ANK1: variants seen among roughly 807,000 people sequenced by gnomAD.
The protein encoded by ANK1 is ankyrin-1.
A neutral mutation model predicts 210.4 loss-of-function variants in ANK1; 51 were observed. The observed-to-expected ratio is 0.24, with a 90% CI of 0.19 to 0.31. The LOEUF is 0.31. Among genes scored for constraint, ANK1 ranks in the 10% least tolerant of loss-of-function variants. The pLI is 1.00. For synonymous variants in ANK1, 967 were observed against 1,025.9 expected (o/e 0.94, Z 1.10); for missense variants, 2,051 against 2,504.4 (o/e 0.82, Z 3.86).
intron 1 of ANK1, among the ~76,000 whole-genome samples, chr8:41,821,271 C>G: frequency 6.6e-6 from 1 of 152,126 alleles, no homozygotes; most frequent in Middle Eastern, 3.4e-3. Flanking sequence ...AATATGATAT[C>G]AAAAAATAAA....
intron 39 of ANK1, chr8:41,664,991 C>A (rs769932716): frequency 1.8e-5 from 29 of 1,614,112 alleles, no homozygotes; most frequent in Non-Finnish European, 2.3e-5. Flanking sequence ...GCAGCACCAG[C>A]GTGACCAACA....
intron 21 of ANK1, 94 bp from the exon 22 acceptor site, chr8:41,701,716 C>T (rs879067142): frequency 6.9e-6 from 9 of 1,302,554 alleles, no homozygotes; most frequent in Non-Finnish European, 9.9e-6. Context: ...TGTGGGGTTT[C>T]CCACAAATGA....
intron 1 of ANK1, among the ~76,000 whole-genome samples, chr8:41,785,572 C>T (rs540291635): frequency 1.4e-4 from 22 of 152,150 alleles, no homozygotes; most frequent in Admixed American, 2.0e-4. Flanking sequence ...AAATGCGCTC[C>T]TGCCTGCATG....
chr8:41,700,187 T>C (rs576275880), intron 22 of ANK1, among the ~76,000 whole-genome samples: 1 of 152,266 alleles, frequency 6.6e-6, no homozygotes, highest in African/African-American at 2.4e-5. Flanking sequence ...GAACAACAGC[T>C]CATGCGGTTA....
At chr8:41,824,494 C>G (rs550694016) in intron 1 of ANK1, among the ~76,000 whole-genome samples, 2 of 152,276 alleles carry the variant, frequency 1.3e-5, no homozygotes, top group East Asian at 3.9e-4. Flanking sequence ...ATTCTCGCTG[C>G]TTTCATGTCA....
intron 42 of ANK1, among the ~76,000 whole-genome samples, chr8:41,659,184 T>G (rs577790780): frequency 6.6e-6 from 1 of 152,330 alleles, no homozygotes; most frequent in Admixed American, 6.5e-5. Context: ...ATTCCCTCCT[T>G]AAGGAACATC....
intron 2 of ANK1, among the ~76,000 whole-genome samples, chr8:41,738,030 T>C (rs1833862181): frequency 6.6e-6 from 1 of 151,714 alleles, no homozygotes; most frequent in Non-Finnish European, 1.5e-5. Flanking sequence ...AAATGCAAAA[T>C]CATGTGAAAA....
intron 42 of ANK1, 142 bp downstream of exon 42, chr8:41,661,288 G>A: frequency 7.7e-7 from 1 of 1,294,400 alleles, no homozygotes; most frequent in Non-Finnish European, 1.1e-6. Context: ...GTTGGGAAGT[G>A]AGAATCTCTG....
At chr8:41,826,994 A>G (rs1439675961) in intron 1 of ANK1, among the ~76,000 whole-genome samples, 1 of 152,212 alleles carries the variant, frequency 6.6e-6, no homozygotes, top group African/African-American at 2.4e-5. Context: ...TGCTGCACAG[A>G]TTGCATAATT....
chr8:41,665,737 A>C lies in ANK1; in HGVS notation c.5395-1995T>G, dbSNP rs1275006245. 2.4e-5 allele frequency: 4 copies of C among 164,034 alleles called. No individual in the cohort carries two copies. The East Asian group carries it at 7.1e-4, about 29-fold the overall frequency. The allele number at this position is 164,034 out of a possible 1,614,324, so 10.2% of individuals were successfully genotyped here. On this transcript the variant is annotated intron_variant, in intron 39 of 42. Coordinates refer to ENST00000289734, the MANE Select transcript of ANK1 (RefSeq NM_000037.4). ...CAAGTGAGCCCAGCAGGGGCCCAGCACAGGTGGTGGGGCCACCTGGAAGCC... is the reference window on the plus strand; with the variant it reads ...CAAGTGAGCCCAGCAGGGGCCCAGCCCAGGTGGTGGGGCCACCTGGAAGCC...
At chr8:41,723,420 C>A in intron 8 of ANK1, 115 bp downstream of exon 8, 1 of 1,306,302 alleles carries the variant, frequency 7.7e-7, no homozygotes, top group South Asian at 1.2e-5. Flanking sequence ...CAGGCGGCTC[C>A]GGGAGGCTGG....
intron 16 of ANK1, among the ~76,000 whole-genome samples, chr8:41,709,627 T>C (rs1431441251): frequency 1.3e-5 from 2 of 152,228 alleles, no homozygotes; most frequent in Non-Finnish European, 2.9e-5. Flanking sequence ...CGTGAAGGTA[T>C]GTTCCAAAAT....
intron 37 of ANK1, 126 bp from the exon 38 acceptor site, chr8:41,673,038 G>A (rs965613503): frequency 1.2e-5 from 12 of 1,023,878 alleles, no homozygotes; most frequent in African/African-American, 4.7e-5. Flanking sequence ...ATGCACATTC[G>A]GGGTGGGTTG....
At chr8:41,663,893 C>T in intron 39 of ANK1, 151 bp from the exon 40 acceptor site, 2 of 720,546 alleles carry the variant, frequency 2.8e-6, no homozygotes, top group Non-Finnish European at 2.5e-6. Context: ...GTAGCAGGAG[C>T]CATGCCAGGG....
chr8:41,864,421 C>T (rs761076793), intron 1 of ANK1, among the ~76,000 whole-genome samples: 45 of 152,228 alleles, frequency 3.0e-4, no homozygotes, highest in Middle Eastern at 6.8e-3. Flanking sequence ...TGAGCAGAGG[C>T]GAGCCAGCCT....
At chr8:41,842,967 C>G (rs1809278584) in intron 1 of ANK1, among the ~76,000 whole-genome samples, 1 of 152,072 alleles carries the variant, frequency 6.6e-6, no homozygotes, top group Admixed American at 6.5e-5. Flanking sequence ...CTGCCTCAGC[C>G]TCCTGAGTAG....
rs757684495 is a variant in ANK1 at position 41,704,018 on chromosome 8, C to A, written c.2295+23G>T. On this transcript the variant is annotated intron_variant, in intron 20 of 42. Transcript: ENST00000289734. This position sits in a 1 kb window ranked among gnomAD's most constrained non-coding sequence, Gnocchi z 4.1. Reference sequence around the variant, plus strand: ...CTGCCATGGGGAGCAGTTTTCTAAACTCAGGAGAGAGAGTGTACTCACCGA... The same window carrying A: ...CTGCCATGGGGAGCAGTTTTCTAAAATCAGGAGAGAGAGTGTACTCACCGA... 2 of 1,609,930 alleles carry A rather than the reference C, an allele frequency of 1.2e-6. No individual in the cohort carries two copies. The highest frequency in any genetic ancestry group is 2.2e-5 in the South Asian group (2 of 90,982).
intron 31 of ANK1, 69 bp downstream of exon 31, chr8:41,692,579 G>T: frequency 6.7e-7 from 1 of 1,484,538 alleles, no homozygotes. Flanking sequence ...CCTGCACCTG[G>T]TAATGGTGTT....
At position 41,753,361 on chromosome 8, in the gene ANK1, C is replaced by T. The variant is rs540680447; in HGVS notation, c.129+4675G>A. Reference sequence around the variant, plus strand: ...GATTACAGGTATGAGCTATCGCGCCCGGCCTGCTGCAGGCTCTTAAGTACC... The same window carrying T: ...GATTACAGGTATGAGCTATCGCGCCTGGCCTGCTGCAGGCTCTTAAGTACC... On this transcript the variant is annotated intron_variant, in intron 2 of 42. Coordinates refer to ENST00000289734, the MANE Select transcript of ANK1 (RefSeq NM_000037.4). Among the ~76,000 whole-genome samples, 8 of 152,028 alleles carry T rather than the reference C, an allele frequency of 5.3e-5. No individual in the cohort carries two copies. The East Asian group carries it at 1.5e-3, about 29-fold the overall frequency.
Sources: allele counts gnomAD v4.1 joint callset (sites outside exome capture counted in the v4.1 genomes callset), GRCh38; gene constraint gnomAD v4.1.1; non-coding constraint Gnocchi (gnomAD v3.1); transcripts MANE v1.5; gene names NCBI Gene and HGNC (gene_info 2026-07-23, HGNC 2026-07-21).